SLC27A4: variants seen among roughly 807,000 people sequenced by gnomAD.
The protein encoded by SLC27A4 is long-chain fatty acid transport protein 4.
A neutral mutation model predicts 64.4 loss-of-function variants in SLC27A4; 33 were observed. That is an observed-to-expected ratio of 0.51 (90% CI 0.39 to 0.68). SLC27A4 has a LOEUF of 0.68. Among genes scored for constraint, SLC27A4 ranks in the 30% least tolerant of loss-of-function variants. The pLI is 0.00. For synonymous variants in SLC27A4, 377 were observed against 370.0 expected (o/e 1.02, Z -0.22); for missense variants, 824 against 883.5 (o/e 0.93, Z 0.85).
rs570812370 is a variant in SLC27A4 at position 128,359,265 on chromosome 9, G to A, written c.1775-1069G>A. 2.0e-5 allele frequency among the ~76,000 whole-genome samples: 3 copies of A among 152,060 alleles called. No homozygotes were observed. In the South Asian group the frequency reaches 6.2e-4, roughly 32 times the overall value. ...GCACTTTGGGAGGCTGAGGCAGGTA[G>A]CTCGCTTGAGCCCAGGAGTTCAAGA... On this transcript the variant is annotated intron_variant, in intron 12 of 12. Coordinates refer to ENST00000300456, the MANE Select transcript of SLC27A4 (RefSeq NM_005094.4).
In SLC27A4 at chr9:128,353,454, G is replaced by C. The variant is rs367871179; in HGVS notation, c.1237G>C (p.Val413Leu). 1.2e-6 allele frequency: 2 copies of C among 1,614,088 alleles called. No individual in the cohort carries two copies. Among genetic ancestry groups the C allele is most frequent in the Non-Finnish European group, 1.7e-6 (2 of 1,180,024 alleles). ...CGFNSRILSF[V>L]YPIRLVRVNE... ...TTTCAATAGCCGCATCCTGTCCTTC[G>C]TGTACCCCATCCGGTTGGTACGTGT... The change falls in exon 9 of 13, where the codon GTG becomes CTG. Residue 413 changes from valine (V) to leucine (L), a missense_variant. Transcript: ENST00000300456. The surrounding 1 kb of genome is among the most constrained non-coding windows in gnomAD (Gnocchi z 4.9).
intron 4 of SLC27A4, among the ~76,000 whole-genome samples, chr9:128,349,672 A>G (rs1400835326): frequency 2.0e-5 from 3 of 152,140 alleles, no homozygotes; most frequent in Non-Finnish European, 2.9e-5. Context: ...CTCGGCAGGC[A>G]TTCTAAACAC....
At chr9:128,342,063 AC>A (rs1159113793) in intron 1 of SLC27A4, 3 of 615,668 alleles carry the variant, frequency 4.9e-6, no homozygotes, top group Non-Finnish European at 8.9e-6. Context: ...GTCAGTACCC[AC>A]CCCCAGGCCA....
Position 128,360,602 on chromosome 9 carries a change from A to G in SLC27A4, c.*111A>G, listed in dbSNP as rs1564405302. The stretch of plus-strand genomic sequence containing the variant: ...AAAGCAAGCAGGGCCTGGCACCTCC[A>G]TCCTGAGGTGCTGCCCCTCCATCCA... On this transcript the variant is annotated 3_prime_UTR_variant, in exon 13 of 13. Coordinates refer to ENST00000300456, the MANE Select transcript of SLC27A4 (RefSeq NM_005094.4). 4 of 1,117,814 alleles carry G rather than the reference A, an allele frequency of 3.6e-6. No individual in the cohort carries two copies. In the African/African-American group the frequency reaches 6.2e-5, roughly 17 times the overall value. 69.2% of individuals were successfully genotyped at this position (1,117,814 alleles called of 1,614,324 possible).
intron 12 of SLC27A4, among the ~76,000 whole-genome samples, chr9:128,356,550 G>T (rs761998732): frequency 6.6e-6 from 1 of 152,170 alleles, no homozygotes. Context: ...CTGTAATCCC[G>T]GCACTTTGGG....
In SLC27A4 at chr9:128,345,221, G is replaced by A. The variant is rs774503026; in HGVS notation, c.228G>A (p.Val76=). The change falls in exon 3 of 13, where the codon GTG becomes GTA. Residue 76 remains valine (V), a synonymous_variant. Coordinates refer to ENST00000300456, the MANE Select transcript of SLC27A4 (RefSeq NM_005094.4). This position sits in a 1 kb window ranked among gnomAD's most constrained non-coding sequence, Gnocchi z 4.1. ...AGTGCCTGCAGGAGCGGCGGACAGT[G>A]CCCATTTTGTTTGCCTCTACCGTTC... ...VRQCLQERRT[V]PILFASTVRR... 1.2e-6 allele frequency: 2 copies of A among 1,613,724 alleles called. No homozygotes were observed. Among genetic ancestry groups the A allele is most frequent in the South Asian group, 1.1e-5 (1 of 91,076 alleles).
At position 128,353,090 on chromosome 9, in the gene SLC27A4, C is replaced by T; in HGVS notation, c.1053C>T (p.Asn351=). The change falls in exon 8 of 13, where the codon AAC becomes AAT. Residue 351 remains asparagine (N), a synonymous_variant. Coordinates refer to ENST00000300456, the MANE Select transcript of SLC27A4 (RefSeq NM_005094.4). This position sits in a 1 kb window ranked among gnomAD's most constrained non-coding sequence, Gnocchi z 4.9. The part of the protein sequence containing the change: ...LLNQPPREAE[N]QHQVRMALGN... ...ACCAGCCACCGCGGGAGGCAGAAAA[C>T]CAGCACCAGGTTCGCATGGCACTAG... 6.2e-7 allele frequency: 1 copy of T among 1,614,172 alleles called. No individual in the cohort carries two copies. Among genetic ancestry groups the T allele is most frequent in the Non-Finnish European group, 8.5e-7 (1 of 1,180,024 alleles).
At chr9:128,350,693 C>A (rs1281251420) in intron 6 of SLC27A4, 118 bp downstream of exon 6, 2 of 823,080 alleles carry the variant, frequency 2.4e-6, no homozygotes, top group East Asian at 5.4e-5. Flanking sequence ...CAGTGACTCA[C>A]ACCTGTAATC....
At position 128,355,552 on chromosome 9, in the gene SLC27A4, C is replaced by T. The variant is rs143813674; in HGVS notation, c.1617C>T (p.Val539=). 8.6e-5 allele frequency: 138 copies of T among 1,610,720 alleles called. No individual in the cohort carries two copies. The highest frequency in any genetic ancestry group is 1.1e-4 in the Non-Finnish European group (132 of 1,179,994). ...TGGCTGACGTGGCCGTGTATGGTGTCGAGGTGCCAGGTATGTGCAGGCAGG... is the reference window on the plus strand; with the variant it reads ...TGGCTGACGTGGCCGTGTATGGTGTTGAGGTGCCAGGTATGTGCAGGCAGG... ...LDMADVAVYG[V]EVPGTEGRAG... The change falls in exon 11 of 13, where the codon GTC becomes GTT. Residue 539 remains valine (V), a synonymous_variant. Coordinates refer to ENST00000300456, the MANE Select transcript of SLC27A4 (RefSeq NM_005094.4).
At chr9:128,346,303 G>A (rs1317875496) in intron 3 of SLC27A4, among the ~76,000 whole-genome samples, 2 of 151,384 alleles carry the variant, frequency 1.3e-5, no homozygotes, top group Non-Finnish European at 2.9e-5. Context: ...GCGTGATCTC[G>A]GCTCACTGCA....
At chr9:128,356,508 A>G (rs1832822340) in intron 12 of SLC27A4, among the ~76,000 whole-genome samples, 1 of 152,244 alleles carries the variant, frequency 6.6e-6, no homozygotes, top group Non-Finnish European at 1.5e-5. Context: ...CCACAGAAGC[A>G]TCTCAGCAAG....
chr9:128,348,060 G>T (rs535888812), intron 3 of SLC27A4, among the ~76,000 whole-genome samples: 3 of 152,070 alleles, frequency 2.0e-5, no homozygotes, highest in Non-Finnish European at 4.4e-5. Flanking sequence ...CAGTGCGCAG[G>T]GGAGCCTGAA....
rs137853133 is a variant in SLC27A4 at position 128,350,335 on chromosome 9, T to C, written c.739T>C (p.Ser247Pro). 1 of 1,613,054 alleles carries C rather than the reference T, an allele frequency of 6.2e-7. No individual in the cohort carries two copies. Among genetic ancestry groups the C allele is most frequent in the Non-Finnish European group, 8.5e-7 (1 of 1,180,032 alleles). Residue 247 changes from serine to proline, a missense_variant, in exon 5 of 13, where the codon TCC (serine) becomes CCC (proline). Transcript: ENST00000300456. The part of the protein sequence containing the change: ...FTDKLFYIYT[S>P]GTTGLPKAAI... ...AGATAAACTGTTCTACATCTACACATCCGGCACCACAGGGCTGCCCAAGGC... is the reference window on the plus strand; with the variant it reads ...AGATAAACTGTTCTACATCTACACACCCGGCACCACAGGGCTGCCCAAGGC...
At position 128,355,776 on chromosome 9, in the gene SLC27A4, T is replaced by C; in HGVS notation, c.1754T>C (p.Leu585Pro). 6.2e-7 allele frequency: 1 copy of C among 1,613,560 alleles called. No homozygotes were observed. Among genetic ancestry groups the C allele is most frequent in the Non-Finnish European group, 8.5e-7 (1 of 1,180,002 alleles). Residue 585 changes from leucine (L) to proline (P), a missense_variant, in exon 12 of 13, where the codon CTG (leucine) becomes CCG (proline). Coordinates refer to ENST00000300456, the MANE Select transcript of SLC27A4 (RefSeq NM_005094.4). ...GCGCGCCCCATCTTCCTGCGCCTCC[T>C]GCCTGAGCTGCACAAAACAGGTGTG... ...LYARPIFLRL[L>P]PELHKTGTYK...
In SLC27A4 at chr9:128,360,745, C is replaced by A; in HGVS notation, c.*254C>A. 1.9e-6 allele frequency: 1 copy of A among 518,062 alleles called. No homozygotes were observed. The highest frequency in any genetic ancestry group is 3.5e-5 in the East Asian group (1 of 28,456). The allele number at this position is 518,062 out of a possible 1,614,324, so 32.1% of individuals were successfully genotyped here. A position where few individuals can be genotyped will look rare whatever the true frequency, so the allele number is the denominator to read the frequency against. ...CCTCTGGTTCCCAGGCTGAGACTGA[C>A]GGGTTTTCTCAGGATGATGTCTTGG... is the stretch of plus-strand genomic sequence containing the variant. On this transcript the variant is annotated 3_prime_UTR_variant, in exon 13 of 13. Transcript: ENST00000300456.
chr9:128,348,695 G>A lies in SLC27A4; in HGVS notation c.707G>A (p.Gly236Asp), dbSNP rs200058177. Residue 236 changes from glycine (G) to aspartate (D), a missense_variant, in exon 4 of 13, where the codon GGC (glycine) becomes GAC (aspartate). Coordinates refer to ENST00000300456, the MANE Select transcript of SLC27A4 (RefSeq NM_005094.4). ...CACCTTCCCAGTTGCCCTGACAAGGGCTTCACAGGTGGGCTCCATCCCCTC... is the reference window on the plus strand; with the variant it reads ...CACCTTCCCAGTTGCCCTGACAAGGACTTCACAGGTGGGCTCCATCCCCTC... ...PKHLPSCPDK[G>D]FTDKLFYIYT... 6.2e-7 allele frequency: 1 copy of A among 1,613,956 alleles called. No homozygotes were observed. The highest frequency in any genetic ancestry group is 1.7e-5 in the Admixed American group (1 of 60,024).
chr9:128,357,261 C>CAAAA (rs1007585471), intron 12 of SLC27A4, among the ~76,000 whole-genome samples: 2 of 50,966 alleles, frequency 3.9e-5, no homozygotes, highest in Admixed American at 2.1e-4. Flanking sequence ...GACTCTGTCT[C>CAAAA]AAAAAAAAAA....
intron 5 of SLC27A4, 48 bp from the exon 6 acceptor site, chr9:128,350,436 T>G: frequency 6.2e-7 from 1 of 1,611,880 alleles, no homozygotes; most frequent in Non-Finnish European, 8.5e-7. Context: ...GGGAGCCTCC[T>G]TCTGCCTTTC....
chr9:128,353,141 G>A lies in SLC27A4; in HGVS notation c.1104G>A (p.Trp368Ter). 2 of 1,614,202 alleles carry A rather than the reference G, an allele frequency of 1.2e-6. No individual in the cohort carries two copies. Among genetic ancestry groups the A allele is most frequent in the Non-Finnish European group, 1.7e-6 (2 of 1,180,050 alleles). Residue 368 changes from tryptophan (W) to a stop codon, truncating the protein, a stop_gained, in exon 8 of 13, where the codon TGG becomes TGA. Transcript: ENST00000300456. LOFTEE classifies it high-confidence loss of function. This position sits in a 1 kb window ranked among gnomAD's most constrained non-coding sequence, Gnocchi z 4.9. The part of the protein sequence containing the change: ...ALGNGLRQSI[W>*]TNFSSRFHIP... ...GCAATGGCCTCCGGCAGTCCATCTG[G>A]ACCAACTTTTCCAGCCGCTTCCACA...
Sources: gnomAD v4.1 joint callset for allele counts (sites outside exome capture counted in the v4.1 genomes callset) on GRCh38, gnomAD v4.1.1 for gene constraint, Gnocchi (gnomAD v3.1) non-coding constraint, MANE v1.5 for transcripts, NCBI Gene and HGNC (gene_info 2026-07-23, HGNC 2026-07-21) for gene names.